Variants in CNTNAP5 observed in about 807,000 individuals in gnomAD.
The protein encoded by CNTNAP5 is contactin associated protein family member 5.
In CNTNAP5, 72 loss-of-function variants were observed where a neutral mutation model predicts 150.2. That is an observed-to-expected ratio of 0.48 (90% CI 0.40 to 0.58). The LOEUF is 0.58. Ranked by LOEUF, CNTNAP5 falls within the 20% of genes least tolerant of loss-of-function variation. CNTNAP5 has a pLI of 0.00. For missense variants in CNTNAP5, 1,636 were observed against 1,626.2 expected, an observed-to-expected ratio of 1.01 and a Z score of -0.10; for synonymous variants, 672 against 619.8, an observed-to-expected ratio of 1.08 and a Z score of -1.25.
chr2:124,744,036 A>G (rs975827581), intron 13 of CNTNAP5, among the ~76,000 whole-genome samples: 4 of 152,130 alleles, frequency 2.6e-5, no homozygotes, highest in African/African-American at 9.7e-5. Flanking sequence ...ACCCTTCTTC[A>G]TAGCACACTT....
chr2:124,126,545 C>T (rs1205866238), intron 1 of CNTNAP5, among the ~76,000 whole-genome samples: 2 of 152,290 alleles, frequency 1.3e-5, no homozygotes, highest in East Asian at 3.9e-4. Flanking sequence ...GGGAATCCTT[C>T]TTAACTCATT....
At chr2:124,861,693 A>G (rs1677527284) in intron 19 of CNTNAP5, among the ~76,000 whole-genome samples, 2 of 152,234 alleles carry the variant, frequency 1.3e-5, no homozygotes, top group Non-Finnish European at 1.5e-5. Flanking sequence ...GTGCTCCAAC[A>G]TGGATAGGAC....
chr2:124,133,829 C>T lies in CNTNAP5; in HGVS notation c.83-87876C>T, dbSNP rs1417565400. Among the ~76,000 whole-genome samples, 6 of 152,172 alleles carry T rather than the reference C, an allele frequency of 3.9e-5. No homozygotes were observed. The East Asian group carries it at 7.7e-4, about 20-fold the overall frequency. ...ATATTTGTGTGTCCATGTCCTAGCA[C>T]AGCAAATGGCAAACAAAAACCCCAT... On this transcript the variant is annotated intron_variant, in intron 1 of 23. Coordinates refer to ENST00000682447, the MANE Select transcript of CNTNAP5 (RefSeq NM_001367498.1).
chr2:124,384,144 G>T (rs1690871078), intron 3 of CNTNAP5, among the ~76,000 whole-genome samples: 1 of 152,104 alleles, frequency 6.6e-6, no homozygotes, highest in Admixed American at 6.6e-5. Context: ...AAACCTGTAT[G>T]TCCCTATGTG....
chr2:124,117,392 T>C (rs956396415), intron 1 of CNTNAP5, among the ~76,000 whole-genome samples: 1 of 152,138 alleles, frequency 6.6e-6, no homozygotes, highest in Non-Finnish European at 1.5e-5. Flanking sequence ...TTATTATGAG[T>C]CCTTAATACC....
At chr2:124,538,999 T>A (rs1695313271) in intron 10 of CNTNAP5, among the ~76,000 whole-genome samples, 1 of 152,206 alleles carries the variant, frequency 6.6e-6, no homozygotes. Context: ...TGATGTCCAC[T>A]CATGGGGCCC....
At chr2:124,412,418 C>A (rs1214818986) in intron 3 of CNTNAP5, among the ~76,000 whole-genome samples, 2 of 147,824 alleles carry the variant, frequency 1.4e-5, no homozygotes, top group South Asian at 2.2e-4. Context: ...GCCCGCATTG[C>A]CAAGGCAATC....
chr2:124,547,856 G>T (rs955185959), intron 10 of CNTNAP5, among the ~76,000 whole-genome samples: 1 of 152,188 alleles, frequency 6.6e-6, no homozygotes, highest in African/African-American at 2.4e-5. Context: ...GATGGCCAGG[G>T]AGGAGCCAGC....
At position 124,667,974 on chromosome 2, in the gene CNTNAP5, G is replaced by A. The variant is rs773827015; in HGVS notation, c.2077+20016G>A. Among the ~76,000 whole-genome samples, 10 of 152,312 alleles carry A rather than the reference G, an allele frequency of 6.6e-5. No homozygotes were observed. The East Asian group carries it at 1.4e-3, about 21-fold the overall frequency. On this transcript the variant is annotated intron_variant, in intron 13 of 23. Transcript: ENST00000682447. The stretch of plus-strand genomic sequence containing the variant: ...TTGTCAAGAAAGCTTTGCCACAGAC[G>A]AATATGATGGAACTAGTTCATCAAA...
chr2:124,359,516 G>A (rs1205176058), intron 3 of CNTNAP5, among the ~76,000 whole-genome samples: 10 of 150,616 alleles, frequency 6.6e-5, no homozygotes, highest in South Asian at 2.1e-4. Context: ...CTTTGTTCTC[G>A]TTGGTTTCAA....
intron 3 of CNTNAP5, among the ~76,000 whole-genome samples, chr2:124,260,215 A>T (rs376132766): frequency 3.5e-4 from 53 of 152,310 alleles, no homozygotes; most frequent in African/African-American, 1.1e-3. Context: ...ATAATGCCAC[A>T]TATCTACAAA....
At chr2:124,616,224 G>A (rs1431456563) in intron 12 of CNTNAP5, among the ~76,000 whole-genome samples, 10 of 152,158 alleles carry the variant, frequency 6.6e-5, no homozygotes, top group South Asian at 4.1e-4. Flanking sequence ...GATAATCTTA[G>A]ATGGCACCTA....
At chr2:124,475,167 G>A (rs1021120787) in intron 7 of CNTNAP5, among the ~76,000 whole-genome samples, 1 of 151,656 alleles carries the variant, frequency 6.6e-6, no homozygotes. Flanking sequence ...GTCTATATTG[G>A]GACAACATGA....
chr2:124,770,104 G>C (rs1285677685), intron 16 of CNTNAP5, among the ~76,000 whole-genome samples: 1 of 152,108 alleles, frequency 6.6e-6, no homozygotes, highest in Admixed American at 6.6e-5. Flanking sequence ...GACTTTGCAA[G>C]GACCCTAATA....
At chr2:124,776,797 A>G (rs1558771204) in intron 17 of CNTNAP5, among the ~76,000 whole-genome samples, 1 of 152,336 alleles carries the variant, frequency 6.6e-6, no homozygotes, top group Admixed American at 6.5e-5. Flanking sequence ...CTGTATTTGC[A>G]TGGAGGATAA....
At chr2:124,185,193 A>T (rs564327496) in intron 1 of CNTNAP5, among the ~76,000 whole-genome samples, 1 of 152,144 alleles carries the variant, frequency 6.6e-6, no homozygotes, top group Non-Finnish European at 1.5e-5. Flanking sequence ...CACATTTTCT[A>T]CCAAAATGTT....
chr2:124,347,263 C>A (rs149588180), intron 3 of CNTNAP5, among the ~76,000 whole-genome samples: 1 of 152,144 alleles, frequency 6.6e-6, no homozygotes, highest in Non-Finnish European at 1.5e-5. Flanking sequence ...GACGGGGCAT[C>A]TGGAGAAAGA....
At chr2:124,731,613 CAG>C (rs1319611132) in intron 13 of CNTNAP5, among the ~76,000 whole-genome samples, 1 of 149,962 alleles carries the variant, frequency 6.7e-6, no homozygotes, top group Non-Finnish European at 1.5e-5. Flanking sequence ...AATGCAGAGA[CAG>C]AGAGAAAAAG....
At chr2:124,194,218 A>G (rs1685523591) in intron 1 of CNTNAP5, among the ~76,000 whole-genome samples, 1 of 151,670 alleles carries the variant, frequency 6.6e-6, no homozygotes, top group Non-Finnish European at 1.5e-5. Context: ...CACTTGGTAT[A>G]CCAGCATCCT....
Sources: gnomAD v4.1 joint callset for allele counts (sites outside exome capture counted in the v4.1 genomes callset) on GRCh38, gnomAD v4.1.1 for gene constraint, MANE v1.5 for transcripts, NCBI Gene and HGNC (gene_info 2026-07-23, HGNC 2026-07-21) for gene names.